The following POGLUT3 variants were observed in gnomAD, a reference collection of about 807,000 sequenced individuals.
The protein encoded by POGLUT3 is KDEL (Lys-Asp-Glu-Leu) containing 2.
Under a neutral mutation model 54.3 loss-of-function variants are expected in POGLUT3, and 48 were observed. The observed-to-expected ratio is 0.88, with a 90% CI of 0.70 to 1.12. The LOEUF is 1.12. POGLUT3 is among the 50% of genes most tolerant of loss of function. POGLUT3 has a pLI of 0.00. For synonymous variants in POGLUT3, 218 were observed against 237.4 expected (o/e 0.92, Z 0.75); for missense variants, 629 against 618.7 (o/e 1.02, Z -0.18).
At chr11:108,479,160 A>C (rs1309958672) in intron 6 of POGLUT3, 141 bp downstream of exon 6, 1 of 605,054 alleles carries the variant, frequency 1.7e-6, no homozygotes. Context: ...GATTCTTTAG[A>C]TATTTCAAGG....
intron 1 of POGLUT3, chr11:108,491,612 T>A (rs1456153672): frequency 5.6e-6 from 1 of 179,442 alleles, no homozygotes; most frequent in Non-Finnish European, 1.2e-5. Context: ...GATCTCAAAC[T>A]CCTGACTTCA....
In POGLUT3 at chr11:108,486,672, G is replaced by A. The variant is rs146927846; in HGVS notation, c.401-232C>T. ...CCCTCTCCCAATCTAACCTACTCTC[G>A]GTCACTTAGCTCATAAATTCATCTC... On this transcript the variant is annotated intron_variant, in intron 2 of 7. Coordinates refer to ENST00000323468, the MANE Select transcript of POGLUT3 (RefSeq NM_153705.5). 659 of 478,740 alleles carry A rather than the reference G, an allele frequency of 1.4e-3. 4 individuals are homozygous for A. The highest frequency in any genetic ancestry group is 8.7e-3 in the Middle Eastern group (16 of 1,842). The allele number at this position is 478,740 out of a possible 1,614,324, so 29.7% of individuals were successfully genotyped here.
At chr11:108,497,743 CAA>C (rs1178771814) in intron 1 of POGLUT3, among the ~76,000 whole-genome samples, 1 of 152,202 alleles carries the variant, frequency 6.6e-6, no homozygotes, top group East Asian at 1.9e-4. Context: ...TTCGTTGCTC[CAA>C]ACCCACCAGG....
At chr11:108,491,632 CA>C in intron 1 of POGLUT3, 1 of 172,880 alleles carries the variant, frequency 5.8e-6, no homozygotes, top group Non-Finnish European at 1.2e-5. Context: ...AAGCGATCCC[CA>C]CTGCCTCAGC....
chr11:108,472,781 C>T lies in POGLUT3; in HGVS notation c.*2046G>A, dbSNP rs1419719703. 1 of 152,182 alleles carries T rather than the reference C, an allele frequency of 6.6e-6. No homozygotes were observed. The highest frequency in any genetic ancestry group is 1.5e-5 in the Non-Finnish European group (1 of 68,026). 9.4% of individuals were successfully genotyped at this position (152,182 alleles called of 1,614,324 possible). A position where few individuals can be genotyped will look rare whatever the true frequency, so the allele number is the denominator to read the frequency against. Reference sequence around the variant, plus strand: ...TCCCAGTTTTGACAAGCCTCAAACACAATGTACAATATTTAAGACACAAAT... The same window carrying T: ...TCCCAGTTTTGACAAGCCTCAAACATAATGTACAATATTTAAGACACAAAT... On this transcript the variant is annotated 3_prime_UTR_variant, in exon 8 of 8. Transcript: ENST00000323468.
At chr11:108,481,481 T>A in intron 4 of POGLUT3, 105 bp from the exon 5 acceptor site, 4 of 897,036 alleles carry the variant, frequency 4.5e-6, no homozygotes, top group Non-Finnish European at 4.8e-6. Context: ...ATGCTAAAGC[T>A]CTTTTATCAA....
chr11:108,474,697 A>G lies in POGLUT3; in HGVS notation c.*130T>C, dbSNP rs2135841132. ...ATACTCAACCAGTACTGCTATATCCATCTACATATATAAAGCCACCGGGAG... is the reference window on the plus strand; with the variant it reads ...ATACTCAACCAGTACTGCTATATCCGTCTACATATATAAAGCCACCGGGAG... On this transcript the variant is annotated 3_prime_UTR_variant, in exon 8 of 8. Coordinates refer to ENST00000323468, the MANE Select transcript of POGLUT3 (RefSeq NM_153705.5). 1 of 969,452 alleles carries G rather than the reference A, an allele frequency of 1.0e-6. No individual in the cohort carries two copies. Among genetic ancestry groups the G allele is most frequent in the South Asian group, 1.6e-5 (1 of 61,478 alleles). The allele number at this position is 969,452 out of a possible 1,614,324, so 60.1% of individuals were successfully genotyped here.
chr11:108,486,171 A>T lies in POGLUT3; in HGVS notation c.670T>A (p.Ser224Thr). The T allele has an allele frequency of 6.2e-7, 1 of 1,606,986 alleles. No homozygotes were observed. Among genetic ancestry groups the T allele is most frequent in the Non-Finnish European group, 8.5e-7 (1 of 1,174,344 alleles). ...CATTCTCCTACCTTTCTTGTCAATG[A>T]TAACAAAATCTCATCAGAGAACATC... ...FKMFSDEILL[S>T]LTRKVLLPDL... The change falls in exon 3 of 8, where the codon TCA (serine) becomes ACA (threonine). Residue 224 changes from serine (S) to threonine (T), a missense_variant. Ser to Thr is a moderately conservative substitution (Grantham distance 58, BLOSUM62 1). Coordinates refer to ENST00000323468, the MANE Select transcript of POGLUT3 (RefSeq NM_153705.5).
intron 3 of POGLUT3, among the ~76,000 whole-genome samples, chr11:108,485,029 A>T (rs2093600214): frequency 2.0e-5 from 3 of 152,342 alleles, no homozygotes; most frequent in African/African-American, 7.2e-5. Flanking sequence ...ACTTAAGGTC[A>T]AGGACAGCCC....
At chr11:108,486,072 T>G in intron 3 of POGLUT3, 85 bp downstream of exon 3, 1 of 1,134,818 alleles carries the variant, frequency 8.8e-7, no homozygotes. Context: ...TGAAATCTGT[T>G]TCATCCTTTG....
intron 1 of POGLUT3, 35 bp from the exon 2 acceptor site, chr11:108,491,202 GT>G: frequency 6.7e-7 from 1 of 1,503,218 alleles, no homozygotes; most frequent in South Asian, 1.1e-5. Flanking sequence ...ACTCTACCAT[GT>G]CATGATAATG....
chr11:108,492,806 A>T (rs2093615594), intron 1 of POGLUT3, among the ~76,000 whole-genome samples: 1 of 152,246 alleles, frequency 6.6e-6, no homozygotes, highest in Non-Finnish European at 1.5e-5. Flanking sequence ...AAGTGGTAAT[A>T]ATTTAATAGG....
chr11:108,492,971 A>G (rs559756581), intron 1 of POGLUT3, among the ~76,000 whole-genome samples: 2 of 152,338 alleles, frequency 1.3e-5, no homozygotes, highest in Admixed American at 1.3e-4. Flanking sequence ...AGCCATTTTC[A>G]TTGCTCCCTC....
At chr11:108,487,279 T>C (rs2135857821) in intron 2 of POGLUT3, among the ~76,000 whole-genome samples, 1 of 151,768 alleles carries the variant, frequency 6.6e-6, no homozygotes, top group East Asian at 1.9e-4. Flanking sequence ...TTAAATGTAT[T>C]GATTAATGTC....
At chr11:108,489,594 A>G (rs933675089) in intron 2 of POGLUT3, among the ~76,000 whole-genome samples, 2 of 152,154 alleles carry the variant, frequency 1.3e-5, no homozygotes, top group Non-Finnish European at 2.9e-5. Context: ...CCATCAACCT[A>G]TAACTATAAC....
In POGLUT3 at chr11:108,491,009, C is replaced by T; in HGVS notation, c.361G>A (p.Gly121Ser). 7 of 1,614,004 alleles carry T rather than the reference C, an allele frequency of 4.3e-6. No individual in the cohort carries two copies. The highest frequency in any genetic ancestry group is 5.9e-6 in the Non-Finnish European group (7 of 1,179,926). Reference protein sequence around the residue: ...DEGLKIEVLYGDEHVAQSPYI... With the variant: ...DEGLKIEVLYSDEHVAQSPYI... Reference sequence around the variant, plus strand: ...GGAGACTGAGCCACATGTTCATCACCATAAAGGACCTCTATCTTCAGGCCT... The same window carrying T: ...GGAGACTGAGCCACATGTTCATCACTATAAAGGACCTCTATCTTCAGGCCT... Residue 121 changes from glycine (G) to serine (S), a missense_variant, in exon 2 of 8, where the codon GGT becomes AGT. By Grantham distance (56) the Gly-to-Ser change is moderately conservative. Coordinates refer to ENST00000323468, the MANE Select transcript of POGLUT3 (RefSeq NM_153705.5).
rs1199237379 is a variant in POGLUT3 at position 108,491,072 on chromosome 11, AT to A, written c.297del (p.Leu101Ter). 6.2e-7 allele frequency: 1 copy of A among 1,613,674 alleles called. No homozygotes were observed. The highest frequency in any genetic ancestry group is 1.3e-5 in the African/African-American group (1 of 74,890). Reference protein sequence around the residue: ...VPKPLDRNDGTFLMRYRMYET... With the variant: ...VPKPLDRNDGXFLMRYRMYET... ...TCATACATCCTATATCTCATCAAAA[AT>A]GTTCCATCATTCCTGTCCAAAGGTT... On this transcript the variant is annotated frameshift_variant, in exon 2 of 8. Transcript: ENST00000323468. LOFTEE classifies it high-confidence loss of function.
At chr11:108,484,048 A>G (rs765718604) in intron 3 of POGLUT3, among the ~76,000 whole-genome samples, 7 of 152,078 alleles carry the variant, frequency 4.6e-5, no homozygotes, top group Non-Finnish European at 1.0e-4. Context: ...TCAAGCTCAT[A>G]TTATTGACAT....
intron 2 of POGLUT3, among the ~76,000 whole-genome samples, chr11:108,488,495 A>T (rs1270512207): frequency 7.2e-5 from 11 of 152,124 alleles, no homozygotes; most frequent in African/African-American, 2.4e-4. Context: ...AGCCTCACTG[A>T]GTTGAGGAGA....
Sources: allele counts gnomAD v4.1 joint callset (sites outside exome capture counted in the v4.1 genomes callset), GRCh38; gene constraint gnomAD v4.1.1; transcripts MANE v1.5; gene names NCBI Gene and HGNC (gene_info 2026-07-23, HGNC 2026-07-21).